The following SYT16 variants were observed in gnomAD, a reference collection of about 807,000 sequenced individuals.
The protein encoded by SYT16 is synaptotagmin 16, also known as synaptotagmin-16.
SYT16 carries 42 observed loss-of-function variants against 61.4 expected under a neutral mutation model. That is an observed-to-expected ratio of 0.68 (90% CI 0.53 to 0.89). The LOEUF (loss-of-function observed/expected upper bound fraction) is 0.89, where lower values mean the gene tolerates loss of function less well. SYT16 is among the 40% of genes least tolerant of loss of function. The pLI is 0.00. For missense variants in SYT16, 804 were observed against 807.3 expected, an observed-to-expected ratio of 1.00 and a Z score of 0.05; for synonymous variants, 314 against 302.3, an observed-to-expected ratio of 1.04 and a Z score of -0.40.
intron 2 of SYT16, among the ~76,000 whole-genome samples, chr14:61,973,581 A>G (rs972954379): frequency 6.6e-6 from 1 of 152,200 alleles, no homozygotes; most frequent in Non-Finnish European, 1.5e-5. Flanking sequence ...CAGTGAGACA[A>G]TAGTTTTTAA....
At chr14:62,006,049 CT>C (rs2053209509) in intron 3 of SYT16, among the ~76,000 whole-genome samples, 1 of 152,156 alleles carries the variant, frequency 6.6e-6, no homozygotes, top group African/African-American at 2.4e-5. Context: ...CACTAATTTA[CT>C]TCAAATGCCT....
intron 1 of SYT16, among the ~76,000 whole-genome samples, chr14:61,889,827 G>A (rs559097716): frequency 6.6e-6 from 1 of 152,020 alleles, no homozygotes; most frequent in South Asian, 2.1e-4. Context: ...CCCAGCCTCA[G>A]CATTCCTTTA....
chr14:62,084,497 C>A, intron 7 of SYT16, 112 bp downstream of exon 7: 2 of 1,187,012 alleles, frequency 1.7e-6, no homozygotes, highest in Non-Finnish European at 2.3e-6. Flanking sequence ...CTTATTATGG[C>A]TTAAGCAAGC....
chr14:61,876,180 G>A (rs954253112), intron 1 of SYT16, among the ~76,000 whole-genome samples: 3 of 152,196 alleles, frequency 2.0e-5, no homozygotes, highest in African/African-American at 2.4e-5. Flanking sequence ...TGGAAAAATC[G>A]GATTCATTTT....
At chr14:61,918,924 C>T (rs976616233) in intron 1 of SYT16, among the ~76,000 whole-genome samples, 12 of 152,016 alleles carry the variant, frequency 7.9e-5, no homozygotes, top group Non-Finnish European at 1.6e-4. Context: ...GAATCAGGAG[C>T]TAGAAAAACA....
At chr14:61,965,590 G>T (rs1331880544) in intron 1 of SYT16, among the ~76,000 whole-genome samples, 1 of 152,078 alleles carries the variant, frequency 6.6e-6, no homozygotes, top group African/African-American at 2.4e-5. Flanking sequence ...CTCTGACTCA[G>T]ATATTCAAAG....
chr14:61,985,495 C>T (rs2052267532), intron 2 of SYT16, among the ~76,000 whole-genome samples: 1 of 152,064 alleles, frequency 6.6e-6, no homozygotes, highest in African/African-American at 2.4e-5. Context: ...TTCCTCATCC[C>T]AGAGTGGGGA....
At chr14:61,841,141 T>C (rs1304626616) in intron 1 of SYT16, among the ~76,000 whole-genome samples, 3 of 152,158 alleles carry the variant, frequency 2.0e-5, no homozygotes, top group Non-Finnish European at 2.9e-5. Flanking sequence ...ATAGCCAGAA[T>C]AGGAGGTAAC....
At chr14:61,986,713 C>A (rs1243616445) in intron 2 of SYT16, among the ~76,000 whole-genome samples, 2 of 151,898 alleles carry the variant, frequency 1.3e-5, no homozygotes, top group African/African-American at 2.4e-5. Context: ...GTTATTGAGG[C>A]CCTAATTGAA....
At chr14:61,885,412 T>G (rs1431150161) in intron 1 of SYT16, among the ~76,000 whole-genome samples, 1 of 151,742 alleles carries the variant, frequency 6.6e-6, no homozygotes, top group Non-Finnish European at 1.5e-5. Context: ...TGATGATGAT[T>G]ACTGAGGTAA....
At chr14:62,005,323 C>A (rs1032515675) in intron 3 of SYT16, among the ~76,000 whole-genome samples, 2 of 152,110 alleles carry the variant, frequency 1.3e-5, no homozygotes, top group Non-Finnish European at 1.5e-5. Flanking sequence ...TGTACATTGA[C>A]ATTTTTGTGT....
At chr14:62,043,246 T>G (rs2054813625) in intron 3 of SYT16, among the ~76,000 whole-genome samples, 1 of 152,104 alleles carries the variant, frequency 6.6e-6, no homozygotes, top group South Asian at 2.1e-4. Context: ...TGAGAATAAG[T>G]ATTCTTGTCT....
At chr14:61,893,080 T>A (rs1182333828) in intron 1 of SYT16, among the ~76,000 whole-genome samples, 2 of 152,112 alleles carry the variant, frequency 1.3e-5, no homozygotes, top group Non-Finnish European at 1.5e-5. Flanking sequence ...TCATGTGGTG[T>A]AGAGAATTCC....
intron 1 of SYT16, among the ~76,000 whole-genome samples, chr14:61,938,718 A>G (rs1415406098): frequency 6.6e-5 from 10 of 152,200 alleles, no homozygotes; most frequent in East Asian, 5.8e-4. Flanking sequence ...GGGGACTGAC[A>G]TGGTTAAAAA....
chr14:62,009,747 C>A (rs879047702), intron 3 of SYT16, among the ~76,000 whole-genome samples: 1 of 152,198 alleles, frequency 6.6e-6, no homozygotes, highest in Admixed American at 6.5e-5. Context: ...CTGCTATCAG[C>A]AGTTTGGGTT....
intron 1 of SYT16, among the ~76,000 whole-genome samples, chr14:61,926,500 A>G (rs1267639934): frequency 6.6e-6 from 1 of 152,132 alleles, no homozygotes; most frequent in Non-Finnish European, 1.5e-5. Context: ...TTGGGAAGAA[A>G]CTCATATGAC....
intron 1 of SYT16, among the ~76,000 whole-genome samples, chr14:61,817,979 G>A (rs2045494857): frequency 6.6e-6 from 1 of 152,170 alleles, no homozygotes; most frequent in African/African-American, 2.4e-5. Flanking sequence ...GCTTTTCTGC[G>A]AATTTGGGGG....
chr14:61,929,812 TG>T (rs1188133357), intron 1 of SYT16, among the ~76,000 whole-genome samples: 1 of 152,254 alleles, frequency 6.6e-6, no homozygotes, highest in Non-Finnish European at 1.5e-5. Context: ...GGCTTAAATA[TG>T]GTTTTAAATG....
intron 1 of SYT16, among the ~76,000 whole-genome samples, chr14:61,854,430 A>G (rs1001757682): frequency 5.3e-5 from 8 of 152,306 alleles, no homozygotes; most frequent in South Asian, 2.1e-4. Context: ...CTACACACAC[A>G]CGCGCGCACG....
Sources: gnomAD v4.1 joint callset for allele counts (sites outside exome capture counted in the v4.1 genomes callset) on GRCh38, gnomAD v4.1.1 for gene constraint, MANE v1.5 for transcripts, NCBI Gene and HGNC (gene_info 2026-07-23, HGNC 2026-07-21) for gene names.